IRF9: variants seen among roughly 807,000 people sequenced by gnomAD.
IRF9 encodes IFN-alpha-responsive transcription factor subunit.
Under a neutral mutation model 44.1 loss-of-function variants are expected in IRF9, and 13 were observed. The ratio of observed to expected loss-of-function variants is 0.29; its 90% CI spans 0.19 to 0.47. IRF9 has a LOEUF of 0.47. Ranked by LOEUF, IRF9 falls within the 20% of genes least tolerant of loss-of-function variation. The probability of loss-of-function intolerance (pLI) is 1.00; values close to 1 mark genes in which losing one functional copy is unlikely to be tolerated. For missense variants in IRF9, 373 were observed against 496.1 expected (o/e 0.75, Z 2.36); for synonymous variants, 189 against 188.5 (o/e 1.00, Z -0.02).
Position 24,164,972 on chromosome 14 carries a change from T to C in IRF9, c.991+17T>C. On this transcript the variant is annotated intron_variant, in intron 7 of 8. Transcript: ENST00000396864. The surrounding 1 kb of genome is among the most constrained non-coding windows in gnomAD (Gnocchi z 5.2). ...TCTGCAGAGGTGAGGCTGTTCTCTC[T>C]GGGCACATGAGCTTCCACCCCCTAC... The C allele has an allele frequency of 6.2e-7, 1 of 1,609,102 alleles. No individual in the cohort carries two copies.
At chr14:24,162,498 G>C (rs893883727) in intron 2 of IRF9, 174 bp downstream of exon 2, 80 of 682,060 alleles carry the variant, frequency 1.2e-4, no homozygotes, top group Admixed American at 1.4e-4. Flanking sequence ...TGGAGGCCTT[G>C]TTCAAAAATT....
At position 24,161,336 on chromosome 14, in the gene IRF9, C is replaced by G. The variant is rs1432378687; in HGVS notation, c.-4C>G. On this transcript the variant is annotated splice_region_variant and 5_prime_UTR_variant, in exon 1 of 9. Transcript: ENST00000396864. ...CCCTGCGACAGCCTGGACAGCAACTCAGGTAAGATCAGCCAAGGATGGGAG... is the reference window on the plus strand; with the variant it reads ...CCCTGCGACAGCCTGGACAGCAACTGAGGTAAGATCAGCCAAGGATGGGAG... The G allele has an allele frequency of 6.6e-6, 1 of 152,346 alleles. No homozygotes were observed. Among genetic ancestry groups the G allele is most frequent in the East Asian group, 1.9e-4 (1 of 5,204 alleles). 9.4% of individuals were successfully genotyped at this position (152,346 alleles called of 1,614,324 possible). A position where few individuals can be genotyped will look rare whatever the true frequency, so the allele number is the denominator to read the frequency against.
In IRF9 at chr14:24,164,627, G is replaced by A; in HGVS notation, c.663G>A (p.Leu221=). The part of the protein sequence containing the change: ...LLPPEPDYSL[L]LTFIYNGRVV... ...TTCTATCCCCAGACTACTCACTGCT[G>A]CTCACCTTCATCTACAACGGGCGCG... Residue 221 remains leucine (L), a synonymous_variant, in exon 7 of 9, where the codon CTG becomes CTA. Coordinates refer to ENST00000396864, the MANE Select transcript of IRF9 (RefSeq NM_006084.5). The surrounding 1 kb of genome is among the most constrained non-coding windows in gnomAD (Gnocchi z 5.2). 6.2e-7 allele frequency: 1 copy of A among 1,601,908 alleles called. No individual in the cohort carries two copies. Among genetic ancestry groups the A allele is most frequent in the Non-Finnish European group, 8.5e-7 (1 of 1,171,774 alleles).
Position 24,164,375 on chromosome 14 carries a change from C to A in IRF9, c.650-239C>A. The A allele has an allele frequency of 8.3e-6, 5 of 604,772 alleles. 1 individual carries two copies. The highest frequency in any genetic ancestry group is 1.5e-5 in the Non-Finnish European group (5 of 343,560). 37.5% of individuals were successfully genotyped at this position (604,772 alleles called of 1,614,324 possible). ...GAAATCTACATTGAGACATTGATTT[C>A]ATTGGGCCAAACAGAGGCCCAATCT... On this transcript the variant is annotated intron_variant, in intron 6 of 8. Transcript: ENST00000396864. This position sits in a 1 kb window ranked among gnomAD's most constrained non-coding sequence, Gnocchi z 5.2.
In IRF9 at chr14:24,166,521, A is replaced by G. The variant is rs373937191; in HGVS notation, c.*325A>G. 3 of 437,882 alleles carry G rather than the reference A, an allele frequency of 6.9e-6. No individual in the cohort carries two copies. Among genetic ancestry groups the G allele is most frequent in the East Asian group, 7.0e-5 (2 of 28,592 alleles). 27.1% of individuals were successfully genotyped at this position (437,882 alleles called of 1,614,324 possible). On this transcript the variant is annotated 3_prime_UTR_variant, in exon 9 of 9. Coordinates refer to ENST00000396864, the MANE Select transcript of IRF9 (RefSeq NM_006084.5). ...GCCAAGCACTTTATATTTTCCTCTT[A>G]GATATTCACTAAGGACTTAAAATAA... is the stretch of plus-strand genomic sequence containing the variant.
rs1594390062 is a variant in IRF9, at chr14:24,164,536, T to G, written c.650-78T>G. The stretch of plus-strand genomic sequence containing the variant: ...CCCTGGCTGGTGTGGGGAGGGGAGG[T>G]GGAGTTGTTCCCCTGGGGAGGGGCT... On this transcript the variant is annotated intron_variant, in intron 6 of 8. Coordinates refer to ENST00000396864, the MANE Select transcript of IRF9 (RefSeq NM_006084.5). This position sits in a 1 kb window ranked among gnomAD's most constrained non-coding sequence, Gnocchi z 5.2. 4.4e-6 allele frequency: 6 copies of G among 1,359,830 alleles called. No homozygotes were observed. Among genetic ancestry groups the G allele is most frequent in the Non-Finnish European group, 6.1e-6 (6 of 991,318 alleles). 84.2% of individuals were successfully genotyped at this position (1,359,830 alleles called of 1,614,324 possible). A position where few individuals can be genotyped will look rare whatever the true frequency, so the allele number is the denominator to read the frequency against.
At chr14:24,162,708 G>C in intron 2 of IRF9, 1 of 470,516 alleles carries the variant, frequency 2.1e-6, no homozygotes, top group Non-Finnish European at 3.8e-6. Context: ...ACTGAGGCAG[G>C]AGAATCGCTT....
At chr14:24,163,997 C>T in intron 5 of IRF9, 38 bp downstream of exon 5, 1 of 1,611,158 alleles carries the variant, frequency 6.2e-7, no homozygotes, top group Non-Finnish European at 8.5e-7. Context: ...TCCCCCATGC[C>T]ACACCCTCTG....
chr14:24,164,139 G>T lies in IRF9; in HGVS notation c.649+5G>T, dbSNP rs373071477. ...TTCTGCTTCCTCCAGAGCCAGGTAC[G>T]TGGCATTTCTGACTTTCTCCTGTGC... On this transcript the variant is annotated splice_donor_5th_base_variant and intron_variant, in intron 6 of 8. Coordinates refer to ENST00000396864, the MANE Select transcript of IRF9 (RefSeq NM_006084.5). The surrounding 1 kb of genome is among the most constrained non-coding windows in gnomAD (Gnocchi z 5.2). 28 of 1,613,656 alleles carry T rather than the reference G, an allele frequency of 1.7e-5. No individual in the cohort carries two copies. The South Asian group carries it at 2.7e-4, about 16-fold the overall frequency.
At position 24,163,366 on chromosome 14, in the gene IRF9, A is replaced by G. The variant is rs762756313; in HGVS notation, c.365-12A>G. 1.2e-6 allele frequency: 2 copies of G among 1,612,466 alleles called. No individual in the cohort carries two copies. Among genetic ancestry groups the G allele is most frequent in the Non-Finnish European group, 1.7e-6 (2 of 1,179,028 alleles). On this transcript the variant is annotated splice_polypyrimidine_tract_variant and intron_variant, in intron 3 of 8. Coordinates refer to ENST00000396864, the MANE Select transcript of IRF9 (RefSeq NM_006084.5). The stretch of plus-strand genomic sequence containing the variant: ...GACCCTGACCTTTCTCTGTCCCTCA[A>G]CAATTCCACAGGCCAGCCAGGGACT...
chr14:24,162,253 A>T lies in IRF9; in HGVS notation c.109A>T (p.Met37Leu). 6.2e-7 allele frequency: 1 copy of T among 1,614,162 alleles called. No homozygotes were observed. The highest frequency in any genetic ancestry group is 1.1e-5 in the South Asian group (1 of 91,090). Residue 37 changes from methionine (M) to leucine (L), a missense_variant, in exon 2 of 9, where the codon ATG becomes TTG. By Grantham distance (15) the Met-to-Leu change is conservative. Coordinates refer to ENST00000396864, the MANE Select transcript of IRF9 (RefSeq NM_006084.5). ...GTGCTGGGATGATACAGCTAAGACC[A>T]TGTTCCGGATTCCCTGGAAACATGC... ...GVCWDDTAKT[M>L]FRIPWKHAGK...
chr14:24,164,140 T>C lies in IRF9; in HGVS notation c.649+6T>C. The C allele has an allele frequency of 1.2e-6, 2 of 1,613,740 alleles. No individual in the cohort carries two copies. Among genetic ancestry groups the C allele is most frequent in the Non-Finnish European group, 1.7e-6 (2 of 1,179,642 alleles). The stretch of plus-strand genomic sequence containing the variant: ...TCTGCTTCCTCCAGAGCCAGGTACG[T>C]GGCATTTCTGACTTTCTCCTGTGCC... On this transcript the variant is annotated splice_donor_region_variant and intron_variant, in intron 6 of 8. Transcript: ENST00000396864. The surrounding 1 kb of genome is among the most constrained non-coding windows in gnomAD (Gnocchi z 5.2).
intron 7 of IRF9, 52 bp downstream of exon 7, chr14:24,165,007 C>T (rs1440760536): frequency 5.2e-6 from 8 of 1,552,802 alleles, no homozygotes; most frequent in Non-Finnish European, 7.1e-6. Context: ...CCTCTTAGTA[C>T]CCCCTGGGCC....
At position 24,164,060 on chromosome 14, in the gene IRF9, C is replaced by A; in HGVS notation, c.578-3C>A. 6.2e-7 allele frequency: 1 copy of A among 1,614,072 alleles called. No individual in the cohort carries two copies. The highest frequency in any genetic ancestry group is 8.5e-7 in the Non-Finnish European group (1 of 1,179,992). Reference sequence around the variant, plus strand: ...ATGACCAGTGCCTTTGCTTCCCTTCCAGTTACAGACACAACTGAGGCCCCC... The same window carrying A: ...ATGACCAGTGCCTTTGCTTCCCTTCAAGTTACAGACACAACTGAGGCCCCC... On this transcript the variant is annotated splice_region_variant and splice_polypyrimidine_tract_variant and intron_variant, in intron 5 of 8. Transcript: ENST00000396864. This position sits in a 1 kb window ranked among gnomAD's most constrained non-coding sequence, Gnocchi z 5.2.
chr14:24,164,749 C>T lies in IRF9; in HGVS notation c.785C>T (p.Pro262Leu). 1 of 1,612,326 alleles carries T rather than the reference C, an allele frequency of 6.2e-7. No homozygotes were observed. The highest frequency in any genetic ancestry group is 8.5e-7 in the Non-Finnish European group (1 of 1,179,908). Reference protein sequence around the residue: ...SSMEQVLFPKPGPLEPTQRLL... With the variant: ...SSMEQVLFPKLGPLEPTQRLL... Reference sequence around the variant, plus strand: ...ATGGAGCAGGTGCTGTTCCCCAAGCCTGGCCCACTGGAGCCCACGCAGCGC... The same window carrying T: ...ATGGAGCAGGTGCTGTTCCCCAAGCTTGGCCCACTGGAGCCCACGCAGCGC... The change falls in exon 7 of 9, where the codon CCT (proline) becomes CTT (leucine). Residue 262 changes from proline to leucine, a missense_variant. By Grantham distance (98) the Pro-to-Leu change is moderately conservative. This residue lies in a region of IRF9 where 146 missense variants were observed against 240.8 expected (regional missense o/e 0.61). Transcript: ENST00000396864. This position sits in a 1 kb window ranked among gnomAD's most constrained non-coding sequence, Gnocchi z 5.2.
At chr14:24,163,342 A>T in intron 3 of IRF9, 36 bp from the exon 4 acceptor site, 1 of 1,605,882 alleles carries the variant, frequency 6.2e-7, no homozygotes, top group Admixed American at 1.7e-5. Flanking sequence ...CTTGCTCAAG[A>T]CCCTGACCTT....
At chr14:24,162,555 A>G in intron 2 of IRF9, 1 of 494,418 alleles carries the variant, frequency 2.0e-6, no homozygotes, top group Non-Finnish European at 3.6e-6. Context: ...TAATCCCAGC[A>G]CTTCGGGAGG....
Position 24,166,048 on chromosome 14 carries a change from G to A in IRF9, c.1108-74G>A, listed in dbSNP as rs545553187. The A allele has an allele frequency of 3.0e-5, 48 of 1,578,144 alleles. No individual in the cohort carries two copies. In the African/African-American group the frequency reaches 5.9e-4, roughly 19 times the overall value. On this transcript the variant is annotated intron_variant, in intron 8 of 8. Coordinates refer to ENST00000396864, the MANE Select transcript of IRF9 (RefSeq NM_006084.5). ...GAGGCAAAGGGGGTCTCCCAGTGGG[G>A]AAGGAGCTCCTGGGGGTGGTGTCTG...
At chr14:24,161,535 C>G (rs887467599) in intron 1 of IRF9, among the ~76,000 whole-genome samples, 197 bp downstream of exon 1, 1 of 152,214 alleles carries the variant, frequency 6.6e-6, no homozygotes, top group African/African-American at 2.4e-5. Flanking sequence ...AGGCAAAGGT[C>G]AGGAGGACCT....
Sources: gnomAD v4.1 joint callset for allele counts (sites outside exome capture counted in the v4.1 genomes callset) on GRCh38, gnomAD v4.1.1 for gene constraint, gnomAD v4.1.1 regional missense constraint, Gnocchi (gnomAD v3.1) non-coding constraint, MANE v1.5 for transcripts, NCBI Gene and HGNC (gene_info 2026-07-23, HGNC 2026-07-21) for gene names.